The following SLC35D4 variants were observed in gnomAD, a reference collection of about 807,000 sequenced individuals.
SLC35D4 encodes solute carrier family 35 member D4.
At chr18:23,355,262 G>A in the SLC35D4 span, among the ~76,000 whole-genome samples, 28 of 152,184 alleles carry the variant, frequency 1.8e-4, no homozygotes, top group South Asian at 5.0e-3. Flanking sequence ...AGATTAAAAG[G>A]GGCAAAAATA....
At chr18:23,293,792 T>C in the SLC35D4 span, among the ~76,000 whole-genome samples, 109 of 152,328 alleles carry the variant, frequency 7.2e-4, no homozygotes, top group African/African-American at 2.6e-3. Flanking sequence ...AATTTATTTT[T>C]CTTTTATTGT....
the SLC35D4 span, among the ~76,000 whole-genome samples, chr18:23,430,332 C>T: frequency 4.5e-4 from 69 of 152,102 alleles, no homozygotes; most frequent in African/African-American, 1.6e-3. Flanking sequence ...CCTCAGCCTC[C>T]CAAAGCGCTG....
the SLC35D4 span, among the ~76,000 whole-genome samples, chr18:23,314,570 G>A: frequency 1.3e-5 from 2 of 152,248 alleles, no homozygotes; most frequent in Admixed American, 6.5e-5. Context: ...GTTAGTAAAA[G>A]CATAAACATT....
the SLC35D4 span, among the ~76,000 whole-genome samples, chr18:23,350,031 A>C: frequency 6.6e-6 from 1 of 152,206 alleles, no homozygotes; most frequent in Non-Finnish European, 1.5e-5. Flanking sequence ...CTTTTTTACT[A>C]CACACAGATC....
At chr18:23,317,655 C>T in the SLC35D4 span, among the ~76,000 whole-genome samples, 4 of 152,122 alleles carry the variant, frequency 2.6e-5, no homozygotes, top group African/African-American at 7.2e-5. Flanking sequence ...CACTTGTGTC[C>T]CCATACAACT....
chr18:23,313,126 C>CAAAAAAAAAAAAAAAAAAAAAAAAAAAAA, the SLC35D4 span, among the ~76,000 whole-genome samples: 3 of 29,490 alleles, frequency 1.0e-4, 1 homozygote, highest in Non-Finnish European at 1.8e-4. Context: ...GACTACATCT[C>CAAAAAAAAAAAAAAAAAAAAAAAAAAAAA]AAAAAAAAAA....
At chr18:23,390,013 C>T in the SLC35D4 span, among the ~76,000 whole-genome samples, 1 of 152,198 alleles carries the variant, frequency 6.6e-6, no homozygotes, top group Non-Finnish European at 1.5e-5. Flanking sequence ...TTAAATCAAA[C>T]AAAAATGCTA....
chr18:23,273,753 C>T, the SLC35D4 span, among the ~76,000 whole-genome samples: 1 of 152,128 alleles, frequency 6.6e-6, no homozygotes, highest in African/African-American at 2.4e-5. Context: ...AGTCTCCTGC[C>T]ACCTAAAGCC....
chr18:23,271,875 T>C, the SLC35D4 span, among the ~76,000 whole-genome samples: 5 of 152,188 alleles, frequency 3.3e-5, no homozygotes, highest in Non-Finnish European at 5.9e-5. Context: ...CATGTGGAGT[T>C]TCCTGGAAGG....
chr18:23,379,989 C>T, the SLC35D4 span, among the ~76,000 whole-genome samples: 4 of 152,084 alleles, frequency 2.6e-5, no homozygotes, highest in South Asian at 2.1e-4. Context: ...CTCAGCTACT[C>T]GGGAGGCTGA....
the SLC35D4 span, chr18:23,298,016 C>G: frequency 6.2e-7 from 1 of 1,613,544 alleles, no homozygotes; most frequent in Non-Finnish European, 8.5e-7. Flanking sequence ...TTCAGGAGCT[C>G]TTCCGCTCTG....
chr18:23,319,791 A>C, the SLC35D4 span, among the ~76,000 whole-genome samples: 1 of 152,246 alleles, frequency 6.6e-6, no homozygotes, highest in South Asian at 2.1e-4. Context: ...AGATGCATAA[A>C]ATAAAATAAA....
chr18:23,345,648 C>T, the SLC35D4 span, among the ~76,000 whole-genome samples: 3 of 151,898 alleles, frequency 2.0e-5, no homozygotes, highest in African/African-American at 7.3e-5. Context: ...AGTCCCCCAA[C>T]TTTATCTTTG....
At chr18:23,437,648 G>T in the SLC35D4 span, 2 of 897,350 alleles carry the variant, frequency 2.2e-6, no homozygotes, top group Non-Finnish European at 3.4e-6. Flanking sequence ...ACACGGAGGA[G>T]GTTCGCTCTC....
the SLC35D4 span, chr18:23,352,215 GCTGCACA>G: frequency 6.2e-7 from 1 of 1,612,040 alleles, no homozygotes; most frequent in East Asian, 2.2e-5. Context: ...GAAAATCCAG[GCTGCACA>G]CTGCCCTGGG....
At chr18:23,386,872 G>A in the SLC35D4 span, among the ~76,000 whole-genome samples, 1 of 152,136 alleles carries the variant, frequency 6.6e-6, no homozygotes, top group Non-Finnish European at 1.5e-5. Context: ...ACAAGGTGAG[G>A]GGGGAGAATG....
the SLC35D4 span, among the ~76,000 whole-genome samples, chr18:23,404,570 G>A: frequency 4.0e-5 from 6 of 151,254 alleles, no homozygotes; most frequent in Non-Finnish European, 7.4e-5. Flanking sequence ...CTACTCGGGA[G>A]GCTGAGGCAG....
At chr18:23,353,896 T>G in the SLC35D4 span, among the ~76,000 whole-genome samples, 12 of 152,312 alleles carry the variant, frequency 7.9e-5, no homozygotes, top group Admixed American at 5.2e-4. Flanking sequence ...TCATCCTATC[T>G]TAATGGAAAC....
chr18:23,366,499 A>AT, the SLC35D4 span, among the ~76,000 whole-genome samples: 1 of 152,222 alleles, frequency 6.6e-6, no homozygotes, highest in African/African-American at 2.4e-5. Flanking sequence ...CCCTGGCTGC[A>AT]TATCAGAATA....
Sources: allele counts gnomAD v4.1 joint callset (sites outside exome capture counted in the v4.1 genomes callset), GRCh38; gene constraint gnomAD v4.1.1; transcripts MANE v1.5; gene names NCBI Gene and HGNC (gene_info 2026-07-23, HGNC 2026-07-21).